The following CCDC149 variants were observed in gnomAD, a reference collection of about 807,000 sequenced individuals.
The protein encoded by CCDC149 is coiled-coil domain containing 149.
In CCDC149, 45 loss-of-function variants were observed where a neutral mutation model predicts 59.9. The ratio of observed to expected loss-of-function variants is 0.75; its 90% confidence interval spans 0.59 to 0.96. CCDC149 has a LOEUF of 0.96. Among genes scored for constraint, CCDC149 ranks in the 40% least tolerant of loss-of-function variants. The probability of loss-of-function intolerance (pLI) is 0.00; values close to 1 mark genes in which losing one functional copy is unlikely to be tolerated. For synonymous variants in CCDC149, 245 were observed against 260.6 expected, an observed-to-expected ratio of 0.94 and a Z score of 0.58; for missense variants, 584 against 664.7, an observed-to-expected ratio of 0.88 and a Z score of 1.33.
chr4:24,974,643 A>C (rs1415479642), intron 1 of CCDC149, among the ~76,000 whole-genome samples: 3 of 152,174 alleles, frequency 2.0e-5, no homozygotes, highest in Non-Finnish European at 4.4e-5. Context: ...TGTCCTATTC[A>C]TCTCTACACC....
At chr4:24,846,920 G>A (rs916210769) in intron 4 of CCDC149, among the ~76,000 whole-genome samples, 1 of 152,182 alleles carries the variant, frequency 6.6e-6, no homozygotes, top group Non-Finnish European at 1.5e-5. Context: ...AAACAGACAA[G>A]AAGACCAACT....
Position 24,808,672 on chromosome 4 carries a change from T to C in CCDC149, c.1340A>G (p.Gln447Arg), listed in dbSNP as rs368134404. ...GTTTACTTCTTCCTCAGAAGGTAAC[T>C]GGGGTAATGAAGGATGAAAGAGCTT... Residue 447 changes from glutamine to arginine, a missense_variant, in exon 13 of 13, where the codon CAG becomes CGG. Gln to Arg is a conservative substitution (Grantham distance 43, BLOSUM62 1). Transcript: ENST00000635206. 6 of 1,552,410 alleles carry C rather than the reference T, an allele frequency of 3.9e-6. No homozygotes were observed. The highest frequency in any genetic ancestry group is 3.9e-5 in the Admixed American group (2 of 51,018).
At chr4:24,929,394 AG>A (rs1722522294) in intron 1 of CCDC149, among the ~76,000 whole-genome samples, 1 of 152,216 alleles carries the variant, frequency 6.6e-6, no homozygotes, top group Non-Finnish European at 1.5e-5. Flanking sequence ...CCTAATCCTT[AG>A]CGCCACCACC....
chr4:24,909,952 G>C (rs1285140420), intron 1 of CCDC149, among the ~76,000 whole-genome samples: 1 of 152,184 alleles, frequency 6.6e-6, no homozygotes, highest in African/African-American at 2.4e-5. Flanking sequence ...CCAGTCTCAG[G>C]TATGTCTTTA....
chr4:24,834,852 C>T, intron 8 of CCDC149, 96 bp downstream of exon 8: 1 of 891,242 alleles, frequency 1.1e-6, no homozygotes, highest in Non-Finnish European at 1.7e-6. Flanking sequence ...CGCCTCAGTT[C>T]CCAGACCACA....
chr4:24,900,724 G>A (rs561948085), intron 1 of CCDC149, among the ~76,000 whole-genome samples: 1 of 152,348 alleles, frequency 6.6e-6, no homozygotes, highest in South Asian at 2.1e-4. Flanking sequence ...AAGGCAACAG[G>A]ACGAAGAGCT....
chr4:24,972,232 G>A lies in CCDC149; in HGVS notation c.-65+7837C>T, dbSNP rs74928338. Among the ~76,000 whole-genome samples, 202 of 152,100 alleles carry A rather than the reference G, an allele frequency of 1.3e-3. 1 individual carries two copies. The highest frequency in any genetic ancestry group is 4.6e-3 in the African/African-American group (192 of 41,404). ...TGACAAAGGGACACAGGAAAACCCT[G>A]GCTATCATGAACTTGTTTGCTGTGT... On this transcript the variant is annotated intron_variant, in intron 1 of 12. Transcript: ENST00000389609.
intron 1 of CCDC149, among the ~76,000 whole-genome samples, chr4:24,919,890 G>T (rs1271964033): frequency 6.6e-6 from 1 of 152,194 alleles, no homozygotes; most frequent in South Asian, 2.1e-4. Flanking sequence ...AAGAAAGATT[G>T]CAGTAACTTA....
intron 10 of CCDC149, among the ~76,000 whole-genome samples, chr4:24,821,896 G>A (rs930098503): frequency 6.6e-6 from 1 of 152,110 alleles, no homozygotes; most frequent in Non-Finnish European, 1.5e-5. Flanking sequence ...AAAAATCACA[G>A]GAAATTCAGA....
intron 1 of CCDC149, among the ~76,000 whole-genome samples, chr4:24,965,522 A>C (rs931884919): frequency 5.3e-5 from 8 of 152,246 alleles, no homozygotes; most frequent in African/African-American, 1.9e-4. Context: ...TTTCAAACTA[A>C]ATAACACACT....
rs534186840 is a variant in CCDC149 at position 24,954,714 on chromosome 4, C to A, written c.-65+25355G>T. Among the ~76,000 whole-genome samples, 3 of 152,176 alleles carry A rather than the reference C, an allele frequency of 2.0e-5. No individual in the cohort carries two copies. The South Asian group carries it at 6.2e-4, about 32-fold the overall frequency. Reference sequence around the variant, plus strand: ...GCCCCCTCCCTAGAAACAGTTCTGTCCCCAAGGTCCTAGCACTCTGGGCCT... The same window carrying A: ...GCCCCCTCCCTAGAAACAGTTCTGTACCCAAGGTCCTAGCACTCTGGGCCT... On this transcript the variant is annotated intron_variant, in intron 1 of 12. Coordinates refer to the CCDC149 transcript ENST00000389609.
At chr4:24,975,903 CAA>C (rs1388321243) in intron 1 of CCDC149, among the ~76,000 whole-genome samples, 1 of 150,930 alleles carries the variant, frequency 6.6e-6, no homozygotes, top group Admixed American at 6.6e-5. Flanking sequence ...CTGGGAAGGG[CAA>C]AGTCTGTGTT....
At chr4:24,977,148 G>C (rs1389573934) in intron 1 of CCDC149, among the ~76,000 whole-genome samples, 1 of 152,140 alleles carries the variant, frequency 6.6e-6, no homozygotes, top group East Asian at 1.9e-4. Flanking sequence ...GGTGGACATG[G>C]GACTTAGTGA....
chr4:24,841,662 T>C (rs569176399), intron 4 of CCDC149, among the ~76,000 whole-genome samples: 1 of 152,200 alleles, frequency 6.6e-6, no homozygotes, highest in South Asian at 2.1e-4. Flanking sequence ...CCTTCCGAGC[T>C]GACAGCTGGT....
intron 4 of CCDC149, among the ~76,000 whole-genome samples, chr4:24,840,880 G>A (rs1159817696): frequency 6.6e-6 from 1 of 152,222 alleles, no homozygotes; most frequent in Admixed American, 6.5e-5. Context: ...TGATTGATCA[G>A]TTGACAAAAA....
At chr4:24,815,802 T>A (rs2109096467) in intron 12 of CCDC149, among the ~76,000 whole-genome samples, 1 of 152,290 alleles carries the variant, frequency 6.6e-6, no homozygotes, top group African/African-American at 2.4e-5. Flanking sequence ...ATGGGAAACC[T>A]CTGAGATTAG....
chr4:24,904,452 TA>T (rs1266470326), intron 1 of CCDC149, among the ~76,000 whole-genome samples: 1 of 152,262 alleles, frequency 6.6e-6, no homozygotes, highest in Admixed American at 6.5e-5. Context: ...AATAATTTTT[TA>T]AAAAAGAAAG....
intron 1 of CCDC149, among the ~76,000 whole-genome samples, chr4:24,922,007 G>T (rs1722307683): frequency 6.6e-6 from 1 of 152,146 alleles, no homozygotes; most frequent in African/African-American, 2.4e-5. Context: ...CCTTCCAAGG[G>T]CTTTGAGAGA....
chr4:24,937,155 T>A (rs1327497674), intron 1 of CCDC149, among the ~76,000 whole-genome samples: 1 of 152,188 alleles, frequency 6.6e-6, no homozygotes, highest in Non-Finnish European at 1.5e-5. Context: ...ATTAGAAGGT[T>A]ATCAAGAAAA....
Sources: allele counts gnomAD v4.1 joint callset (sites outside exome capture counted in the v4.1 genomes callset), GRCh38; gene constraint gnomAD v4.1.1; transcripts MANE v1.5; gene names NCBI Gene and HGNC (gene_info 2026-07-23, HGNC 2026-07-21).